Variants in PRKCQ observed in about 807,000 individuals in gnomAD.
The protein encoded by PRKCQ is protein kinase C theta type.
A neutral mutation model predicts 91.2 loss-of-function variants in PRKCQ; 41 were observed. The observed-to-expected ratio is 0.45, with a 90% CI of 0.35 to 0.58. The LOEUF is 0.58. PRKCQ is among the 20% of genes least tolerant of loss of function. PRKCQ has a pLI of 0.00. For missense variants in PRKCQ, 673 were observed against 896.5 expected, an observed-to-expected ratio of 0.75 and a Z score of 3.18; for synonymous variants, 307 against 316.9, an observed-to-expected ratio of 0.97 and a Z score of 0.33.
At chr10:6,470,354 C>A (rs761278228) in intron 12 of PRKCQ, among the ~76,000 whole-genome samples, 6 of 152,140 alleles carry the variant, frequency 3.9e-5, no homozygotes, top group Non-Finnish European at 8.8e-5. Context: ...TGAATTTCTG[C>A]AGTACGTTGA....
intron 12 of PRKCQ, among the ~76,000 whole-genome samples, chr10:6,477,720 T>C (rs950199232): frequency 2.0e-5 from 3 of 152,016 alleles, no homozygotes; most frequent in African/African-American, 7.3e-5. Context: ...ATACAAAAAT[T>C]AGCTGAGTGT....
chr10:6,538,463 T>C (rs980660994), intron 1 of PRKCQ, among the ~76,000 whole-genome samples: 2 of 152,254 alleles, frequency 1.3e-5, no homozygotes, highest in African/African-American at 4.8e-5. Flanking sequence ...CGACAAAAGC[T>C]GCATTTCAAA....
chr10:6,522,084 G>A (rs964960319), intron 1 of PRKCQ, among the ~76,000 whole-genome samples: 5 of 152,096 alleles, frequency 3.3e-5, no homozygotes, highest in African/African-American at 1.2e-4. Flanking sequence ...CGGGATTACA[G>A]GTGCGTGCCA....
intron 12 of PRKCQ, among the ~76,000 whole-genome samples, chr10:6,470,334 G>A (rs923071896): frequency 6.6e-6 from 1 of 152,008 alleles, no homozygotes; most frequent in East Asian, 1.9e-4. Context: ...CTTTTCTGTG[G>A]TTTAGCACTT....
At chr10:6,410,266 C>T in the PRKCQ span, among the ~76,000 whole-genome samples, 13 of 151,984 alleles carry the variant, frequency 8.6e-5, 1 homozygote, top group South Asian at 8.3e-4. Context: ...ATTTGTTCTT[C>T]TTAAGGGACA....
the PRKCQ span, among the ~76,000 whole-genome samples, chr10:6,415,443 TATATATATATATAC>T: frequency 1.6e-5 from 1 of 64,242 alleles, no homozygotes; most frequent in Non-Finnish European, 3.4e-5. Context: ...TATATATATA[TATATATATATATAC>T]ACTTACTCAA....
Position 6,485,923 on chromosome 10 carries a change from G to C in PRKCQ, c.900+112C>G, listed in dbSNP as rs189004340. 365 of 919,114 alleles carry C rather than the reference G, an allele frequency of 4.0e-4. 2 individuals carry two copies. The African/African-American group carries it at 5.1e-3, about 13-fold the overall frequency. The allele number at this position is 919,114 out of a possible 1,614,324, so 56.9% of individuals were successfully genotyped here. A position where few individuals can be genotyped will look rare whatever the true frequency, so the allele number is the denominator to read the frequency against. On this transcript the variant is annotated intron_variant, in intron 9 of 17. Coordinates refer to ENST00000263125, the MANE Select transcript of PRKCQ (RefSeq NM_006257.5). The stretch of plus-strand genomic sequence containing the variant: ...AAGCCAAGGGCAAGGCCGGTGCTCA[G>C]AAATACATCCCGGCATTTCCCATAG...
chr10:6,559,622 G>A (rs1055435320), intron 1 of PRKCQ, among the ~76,000 whole-genome samples: 1 of 152,174 alleles, frequency 6.6e-6, no homozygotes, highest in Non-Finnish European at 1.5e-5. Flanking sequence ...GCCTCCCAAA[G>A]TGCTGAGATT....
intron 1 of PRKCQ, among the ~76,000 whole-genome samples, chr10:6,557,912 C>T (rs747493889): frequency 7.9e-5 from 12 of 152,196 alleles, no homozygotes; most frequent in Non-Finnish European, 1.6e-4. Flanking sequence ...CAACAAGTCC[C>T]ATGGATTTTT....
the PRKCQ span, among the ~76,000 whole-genome samples, chr10:6,416,433 A>C: frequency 5.3e-5 from 8 of 152,154 alleles, no homozygotes; most frequent in Admixed American, 5.2e-4. Flanking sequence ...CTCATAGCTT[A>C]GCTCCTACTT....
rs200308654 is a variant in PRKCQ at position 6,430,820 on chromosome 10, C to T, written c.1955G>A (p.Arg652Gln). 311 of 1,613,872 alleles carry T rather than the reference C, an allele frequency of 1.9e-4. 1 individual carries two copies. The highest frequency in any genetic ancestry group is 2.0e-4 in the Non-Finnish European group (232 of 1,179,920). Residue 652 changes from arginine to glutamine, a missense_variant, in exon 17 of 18, where the codon CGG becomes CAG. By Grantham distance (43) the Arg-to-Gln change is conservative (BLOSUM62 1). Transcript: ENST00000263125. This position sits in a 1 kb window ranked among gnomAD's most constrained non-coding sequence, Gnocchi z 4.7. Reference sequence around the variant, plus strand: ...TGAGCGAGTCCTTACCACTTTCGGCCGGAACGGTGGGTCAATCTCCTTCCG... The same window carrying T: ...TGAGCGAGTCCTTACCACTTTCGGCTGGAACGGTGGGTCAATCTCCTTCCG... ...LERKEIDPPF[R>Q]PKVKSPFDCS...
At chr10:6,452,766 C>CAG in intron 15 of PRKCQ, among the ~76,000 whole-genome samples, 1 of 150,320 alleles carries the variant, frequency 6.7e-6, no homozygotes, top group Non-Finnish European at 1.5e-5. Context: ...AGAAATAATG[C>CAG]CACTTATCTA....
chr10:6,412,918 C>A, the PRKCQ span, among the ~76,000 whole-genome samples: 1 of 152,084 alleles, frequency 6.6e-6, no homozygotes, highest in Non-Finnish European at 1.5e-5. Context: ...TGCTCGTGTA[C>A]TCTAGTTTTC....
At chr10:6,501,106 G>T (rs1837887580) in intron 4 of PRKCQ, among the ~76,000 whole-genome samples, 1 of 152,124 alleles carries the variant, frequency 6.6e-6, no homozygotes, top group Non-Finnish European at 1.5e-5. Context: ...GAGATATCAA[G>T]GAAATTGAAG....
At chr10:6,415,259 G>A in the PRKCQ span, among the ~76,000 whole-genome samples, 1 of 151,432 alleles carries the variant, frequency 6.6e-6, no homozygotes, top group East Asian at 1.9e-4. Flanking sequence ...CACTGCGCCT[G>A]GCCTGATGAA....
chr10:6,468,153 G>C (rs1384951713), intron 12 of PRKCQ, among the ~76,000 whole-genome samples: 2 of 152,284 alleles, frequency 1.3e-5, no homozygotes, highest in African/African-American at 4.8e-5. Context: ...GCAGATAAAG[G>C]TCCTAGAGCT....
the PRKCQ span, among the ~76,000 whole-genome samples, chr10:6,404,956 A>ATCCCTCCT: frequency 7.2e-6 from 1 of 139,546 alleles, no homozygotes; most frequent in South Asian, 2.3e-4. Flanking sequence ...CCTTCCTTCT[A>ATCCCTCCT]TCCTTCCTTC....
intron 2 of PRKCQ, among the ~76,000 whole-genome samples, chr10:6,514,697 T>A (rs1370898960): frequency 6.6e-6 from 1 of 152,232 alleles, no homozygotes; most frequent in African/African-American, 2.4e-5. Context: ...TAGGGCTATG[T>A]TCTACTTCAG....
At chr10:6,443,596 G>A (rs147552718) in intron 15 of PRKCQ, among the ~76,000 whole-genome samples, 5 of 152,330 alleles carry the variant, frequency 3.3e-5, no homozygotes, top group African/African-American at 1.2e-4. Flanking sequence ...TATGTGAAAC[G>A]TAAACACGTT....
Sources: allele counts gnomAD v4.1 joint callset (sites outside exome capture counted in the v4.1 genomes callset), GRCh38; gene constraint gnomAD v4.1.1; non-coding constraint Gnocchi (gnomAD v3.1); transcripts MANE v1.5; gene names NCBI Gene and HGNC (gene_info 2026-07-23, HGNC 2026-07-21).